OSBPL1A: variants seen among roughly 807,000 people sequenced by gnomAD.
OSBPL1A encodes oxysterol-binding protein-related protein 1.
OSBPL1A carries 80 observed loss-of-function variants against 137.1 expected under a neutral mutation model. The observed-to-expected ratio is 0.58, with a 90% CI of 0.49 to 0.70. The LOEUF (loss-of-function observed/expected upper bound fraction) is 0.70, where lower values mean the gene tolerates loss of function less well. OSBPL1A is among the 30% of genes least tolerant of loss of function. OSBPL1A has a pLI of 0.00. For synonymous variants in OSBPL1A, 365 were observed against 389.7 expected (o/e 0.94, Z 0.75); for missense variants, 970 against 1,129.4 (o/e 0.86, Z 2.02).
chr18:24,265,992 A>C (rs181986890), intron 15 of OSBPL1A, among the ~76,000 whole-genome samples: 11 of 152,360 alleles, frequency 7.2e-5, no homozygotes, highest in Non-Finnish European at 8.8e-5. Context: ...TTTCGTGAGA[A>C]TAAAACATGG....
At chr18:24,254,933 C>G (rs1237161407) in intron 15 of OSBPL1A, among the ~76,000 whole-genome samples, 1 of 151,734 alleles carries the variant, frequency 6.6e-6, no homozygotes, top group Non-Finnish European at 1.5e-5. Flanking sequence ...AAAAGATAAA[C>G]AAAATTGACA....
chr18:24,390,464 A>G (rs553952884), intron 1 of OSBPL1A, among the ~76,000 whole-genome samples: 1 of 152,302 alleles, frequency 6.6e-6, no homozygotes, highest in South Asian at 2.1e-4. Flanking sequence ...AGGCCAAGGC[A>G]GGCGATCACT....
chr18:24,357,938 A>G (rs1272023994), intron 4 of OSBPL1A: 1 of 155,076 alleles, frequency 6.4e-6, no homozygotes, highest in Admixed American at 6.3e-5. Flanking sequence ...ACACCTAAAG[A>G]TAATGCTCTG....
chr18:24,242,760 A>G (rs1262139176), intron 15 of OSBPL1A, among the ~76,000 whole-genome samples: 1 of 152,198 alleles, frequency 6.6e-6, no homozygotes, highest in Non-Finnish European at 1.5e-5. Context: ...AATCGCAATA[A>G]ATGGTAAGCA....
At position 24,165,127 on chromosome 18, in the gene OSBPL1A, A is replaced by T. The variant is rs376235956; in HGVS notation, c.2688T>A (p.Leu896=). 299 of 1,614,054 alleles carry T rather than the reference A, an allele frequency of 1.9e-4. 1 individual carries two copies. Among genetic ancestry groups the T allele is most frequent in the Non-Finnish European group, 2.4e-4 (278 of 1,179,978 alleles). ...IDQASEEKKR[L]EEKQRAARKN... ...TGCGGGCTGCTCTTTGTTTTTCCTC[A>T]AGTCGTTTTTTTTCTTCACTAGCTT... The change falls in exon 27 of 28, where the codon CTT becomes CTA. Residue 896 remains leucine, a synonymous_variant. Transcript: ENST00000319481.
intron 18 of OSBPL1A, among the ~76,000 whole-genome samples, chr18:24,184,178 T>G (rs2086682145): frequency 6.6e-6 from 1 of 152,208 alleles, no homozygotes; most frequent in African/African-American, 2.4e-5. Flanking sequence ...AAGTGGAGTT[T>G]CTGGGTCAAG....
Position 24,165,166 on chromosome 18 carries a change from A to C in OSBPL1A, c.2660-11T>G. Reference sequence around the variant, plus strand: ...CTTCACTAGCTTGATCTAAAATAAGAACATCAACACAAACCATTAACACTC... The same window carrying C: ...CTTCACTAGCTTGATCTAAAATAAGCACATCAACACAAACCATTAACACTC... On this transcript the variant is annotated splice_polypyrimidine_tract_variant and intron_variant, in intron 26 of 27. Coordinates refer to ENST00000319481, the MANE Select transcript of OSBPL1A (RefSeq NM_080597.4). The C allele has an allele frequency of 6.2e-7, 1 of 1,611,702 alleles. No homozygotes were observed. The highest frequency in any genetic ancestry group is 8.5e-7 in the Non-Finnish European group (1 of 1,177,890).
chr18:24,298,942 T>C (rs1357481159), intron 14 of OSBPL1A, among the ~76,000 whole-genome samples: 2 of 152,246 alleles, frequency 1.3e-5, no homozygotes, highest in Non-Finnish European at 2.9e-5. Context: ...TTTAGGATTG[T>C]AATATCTTCT....
intron 5 of OSBPL1A, among the ~76,000 whole-genome samples, chr18:24,338,405 G>A (rs1227114623): frequency 6.6e-6 from 1 of 152,072 alleles, no homozygotes; most frequent in Non-Finnish European, 1.5e-5. Flanking sequence ...AAAAAGACAA[G>A]ATGTAGAAGA....
chr18:24,281,013 C>T (rs1381732085), intron 14 of OSBPL1A, 65 bp from the exon 15 acceptor site: 2 of 965,282 alleles, frequency 2.1e-6, no homozygotes, highest in Non-Finnish European at 3.1e-6. Flanking sequence ...ACTAAGACCA[C>T]AAAAATACTC....
chr18:24,225,684 C>T (rs575363753), intron 16 of OSBPL1A, among the ~76,000 whole-genome samples: 152 of 152,064 alleles, frequency 1.0e-3, no homozygotes, highest in South Asian at 2.1e-3. Context: ...TTAAAAAGGT[C>T]GGGTCAGTGG....
At chr18:24,344,883 G>A (rs1285182173) in intron 4 of OSBPL1A, among the ~76,000 whole-genome samples, 1 of 152,032 alleles carries the variant, frequency 6.6e-6, no homozygotes, top group East Asian at 1.9e-4. Flanking sequence ...GCACTACCTC[G>A]GCTCACTGCA....
chr18:24,294,335 G>A (rs1158743916), intron 14 of OSBPL1A, among the ~76,000 whole-genome samples: 4 of 151,926 alleles, frequency 2.6e-5, no homozygotes, highest in South Asian at 2.1e-4. Context: ...GGGTTCAAGC[G>A]ATTCTTCTGT....
intron 4 of OSBPL1A, among the ~76,000 whole-genome samples, chr18:24,356,062 G>C (rs546750250): frequency 6.6e-6 from 1 of 151,928 alleles, no homozygotes; most frequent in Non-Finnish European, 1.5e-5. Flanking sequence ...TGTAATCCCA[G>C]CTACTTGGGA....
intron 14 of OSBPL1A, among the ~76,000 whole-genome samples, chr18:24,289,283 C>G (rs1490305622): frequency 6.6e-6 from 1 of 152,160 alleles, no homozygotes; most frequent in Non-Finnish European, 1.5e-5. Flanking sequence ...TTGTCCTCAA[C>G]AAATTCTACC....
Position 24,320,574 on chromosome 18 carries a change from C to T in OSBPL1A, c.626-1765G>A, listed in dbSNP as rs114714875. Among the ~76,000 whole-genome samples, 520 of 152,204 alleles carry T rather than the reference C, an allele frequency of 3.4e-3. 3 individuals carry two copies. The highest frequency in any genetic ancestry group is 0.012 in the African/African-American group (508 of 41,528). ...GGCAAGAGATAAAGTCAGAGAGGCA[C>T]GCAGAGGCCACATCACACAAGGGGT... On this transcript the variant is annotated intron_variant, in intron 7 of 27. Transcript: ENST00000319481.
chr18:24,165,139 T>A lies in OSBPL1A; in HGVS notation c.2676A>T (p.Glu892Asp), dbSNP rs762581403. Residue 892 changes from glutamate to aspartate, a missense_variant, in exon 27 of 28, where the codon GAA (glutamate) becomes GAT (aspartate). By Grantham distance (45) the Glu-to-Asp change is conservative. Coordinates refer to ENST00000319481, the MANE Select transcript of OSBPL1A (RefSeq NM_080597.4). ...ENGEIDQASE[E>D]KKRLEEKQRA... ...TTTGTTTTTCCTCAAGTCGTTTTTT[T>A]TCTTCACTAGCTTGATCTAAAATAA... 3.1e-6 allele frequency: 5 copies of A among 1,614,090 alleles called. No individual in the cohort carries two copies. The African/African-American group carries it at 5.3e-5, about 17-fold the overall frequency.
At chr18:24,268,438 A>G (rs1457968130) in intron 15 of OSBPL1A, among the ~76,000 whole-genome samples, 1 of 152,212 alleles carries the variant, frequency 6.6e-6, no homozygotes, top group East Asian at 1.9e-4. Context: ...AGCTTCTAAA[A>G]CTTCCAAAAT....
intron 21 of OSBPL1A, among the ~76,000 whole-genome samples, chr18:24,174,019 C>G (rs984821606): frequency 2.6e-5 from 4 of 152,306 alleles, no homozygotes; most frequent in Middle Eastern, 3.4e-3. Context: ...TTAGCATCTT[C>G]AATTTGTATA....
Sources: allele counts gnomAD v4.1 joint callset (sites outside exome capture counted in the v4.1 genomes callset), GRCh38; gene constraint gnomAD v4.1.1; transcripts MANE v1.5; gene names NCBI Gene and HGNC (gene_info 2026-07-23, HGNC 2026-07-21).